The following ATP13A4 variants were observed in gnomAD, a reference collection of about 807,000 sequenced individuals.
ATP13A4 encodes probable cation-transporting ATPase 13A4.
Under a neutral mutation model 142.5 loss-of-function variants are expected in ATP13A4, and 114 were observed. The ratio of observed to expected loss-of-function variants is 0.80; its 90% CI spans 0.69 to 0.93. ATP13A4 has a LOEUF of 0.93. ATP13A4 is among the 40% of genes least tolerant of loss of function. The pLI is 0.00. For missense variants in ATP13A4, 1,392 were observed against 1,454.0 expected, an observed-to-expected ratio of 0.96 and a Z score of 0.69; for synonymous variants, 488 against 514.8, an observed-to-expected ratio of 0.95 and a Z score of 0.70.
At chr3:193,524,266 G>A (rs896431555) in intron 1 of ATP13A4, among the ~76,000 whole-genome samples, 2 of 152,184 alleles carry the variant, frequency 1.3e-5, no homozygotes, top group African/African-American at 4.8e-5. Flanking sequence ...AGAAGTGTGG[G>A]TAACCTGGGA....
chr3:193,495,818 ATAGAACGTCC>A (rs1720192268), intron 3 of ATP13A4, among the ~76,000 whole-genome samples: 1 of 152,134 alleles, frequency 6.6e-6, no homozygotes, highest in African/African-American at 2.4e-5. Context: ...GATATCATAT[ATAGAACGTCC>A]TAAAGCCTCC....
Position 193,431,709 on chromosome 3 carries a change from CAT to C in ATP13A4, c.2842+2134_2842+2135del, listed in dbSNP as rs962341052. ...GTATATATACATTTATATATACACA[CAT>C]ATATATGTTTCTATATATATTTATA... On this transcript the variant is annotated intron_variant, in intron 25 of 29. Transcript: ENST00000342695. Among the ~76,000 whole-genome samples, 58 of 150,192 alleles carry C rather than the reference CAT, an allele frequency of 3.9e-4. 1 individual carries two copies. Among genetic ancestry groups the C allele is most frequent in the Admixed American group, 2.6e-3 (39 of 14,968 alleles).
chr3:193,440,249 T>C lies in ATP13A4; in HGVS notation c.2519+309A>G, dbSNP rs1261986285. The C allele has an allele frequency of 1.5e-5, 5 of 337,000 alleles. No homozygotes were observed. The East Asian group carries it at 3.4e-4, about 23-fold the overall frequency. 20.9% of individuals were successfully genotyped at this position (337,000 alleles called of 1,614,324 possible). A position where few individuals can be genotyped will look rare whatever the true frequency, so the allele number is the denominator to read the frequency against. On this transcript the variant is annotated intron_variant, in intron 21 of 29. Coordinates refer to ENST00000342695, the MANE Select transcript of ATP13A4 (RefSeq NM_032279.4). Reference sequence around the variant, plus strand: ...AGCTCAAGCCACCTTTCCATTCTTATTTCTCCCCACACTCTTTCAGGACCC... The same window carrying C: ...AGCTCAAGCCACCTTTCCATTCTTACTTCTCCCCACACTCTTTCAGGACCC...
chr3:193,502,505 C>T lies in ATP13A4; in HGVS notation c.369G>A (p.Lys123=). The change falls in exon 3 of 30, where the codon AAG becomes AAA. Residue 123 remains lysine, a synonymous_variant. Transcript: ENST00000342695. ...TAAGTTTACTTACCTTTAGGTCTGG[C>T]TTTCTTATGGCTCTATTTATGATAT... The part of the protein sequence containing the change: ...EEYIINRAIR[K]PDLKVRCIKV... 1 of 1,614,030 alleles carries T rather than the reference C, an allele frequency of 6.2e-7. No individual in the cohort carries two copies. The highest frequency in any genetic ancestry group is 8.5e-7 in the Non-Finnish European group (1 of 1,179,954).
chr3:193,579,703 C>T (rs751319735), intron 2 of ATP13A4, among the ~76,000 whole-genome samples: 49 of 143,770 alleles, frequency 3.4e-4, no homozygotes, highest in Admixed American at 1.5e-3. Flanking sequence ...TCAGACAATC[C>T]GTGCTCTCCA....
Position 193,462,776 on chromosome 3 carries a change from G to A in ATP13A4, c.1509C>T (p.Ser503=), listed in dbSNP as rs780381875. The A allele has an allele frequency of 6.2e-7, 1 of 1,613,888 alleles. No individual in the cohort carries two copies. Among genetic ancestry groups the A allele is most frequent in the African/African-American group, 1.3e-5 (1 of 75,012 alleles). Residue 503 remains serine, a synonymous_variant, in exon 13 of 30, where the codon TCC becomes TCT. Transcript: ENST00000342695. The part of the protein sequence containing the change: ...RDGLDLWGVV[S]CDRNGFQEVH... Reference sequence around the variant, plus strand: ...AAGGTACTCACCCATTCCTATCACAGGACACGACTCCCCAGAGGTCCAAGC... The same window carrying A: ...AAGGTACTCACCCATTCCTATCACAAGACACGACTCCCCAGAGGTCCAAGC...
chr3:193,536,854 C>T (rs539061414), intron 1 of ATP13A4, among the ~76,000 whole-genome samples: 2 of 152,054 alleles, frequency 1.3e-5, no homozygotes, highest in South Asian at 4.1e-4. Context: ...ATTAAAAATA[C>T]TACTACAATC....
chr3:193,541,074 C>T (rs1191014867), intron 1 of ATP13A4, among the ~76,000 whole-genome samples: 1 of 151,666 alleles, frequency 6.6e-6, no homozygotes, highest in African/African-American at 2.4e-5. Flanking sequence ...ACGGTGAAAC[C>T]CCGTCTCTAC....
chr3:193,500,549 G>A (rs550115052), intron 3 of ATP13A4, among the ~76,000 whole-genome samples: 106 of 152,224 alleles, frequency 7.0e-4, no homozygotes, highest in African/African-American at 2.5e-3. Context: ...AAGGAGCACC[G>A]TAACCTAGAT....
At chr3:193,570,750 C>T (rs1374549292) in intron 2 of ATP13A4, among the ~76,000 whole-genome samples, 3 of 152,168 alleles carry the variant, frequency 2.0e-5, no homozygotes, top group Non-Finnish European at 4.4e-5. Context: ...AGCTTGCATC[C>T]TGTGTACCAG....
chr3:193,522,706 T>C (rs973260051), intron 1 of ATP13A4, among the ~76,000 whole-genome samples: 1 of 152,072 alleles, frequency 6.6e-6, no homozygotes, highest in Non-Finnish European at 1.5e-5. Flanking sequence ...GTTCGTAGGT[T>C]CCCCTTAAAC....
At chr3:193,514,636 C>A in intron 2 of ATP13A4, 62 bp downstream of exon 2, 1 of 1,588,350 alleles carries the variant, frequency 6.3e-7, no homozygotes. Context: ...CCCAGCCATC[C>A]CGTAACACAT....
intron 12 of ATP13A4, 120 bp from the exon 13 acceptor site, chr3:193,462,943 A>T: frequency 2.0e-6 from 2 of 984,938 alleles, no homozygotes; most frequent in Non-Finnish European, 3.1e-6. Flanking sequence ...TCAGGAGTTT[A>T]AGACCAGCCT....
intron 8 of ATP13A4, among the ~76,000 whole-genome samples, chr3:193,480,342 T>C (rs1719218723): frequency 6.6e-6 from 1 of 151,890 alleles, no homozygotes; most frequent in South Asian, 2.1e-4. Context: ...AAACAGAACA[T>C]CCACAGAGTG....
intron 25 of ATP13A4, among the ~76,000 whole-genome samples, chr3:193,431,948 T>C (rs993867624): frequency 2.6e-5 from 4 of 152,050 alleles, no homozygotes; most frequent in Admixed American, 2.0e-4. Context: ...AATGGAATGG[T>C]AGTAGAATTA....
chr3:193,531,320 A>AAGGGAAAGGAAGGTAGGAAGGAAGAG, intron 1 of ATP13A4, among the ~76,000 whole-genome samples: 1 of 114,468 alleles, frequency 8.7e-6, no homozygotes, highest in Non-Finnish European at 1.9e-5. Context: ...GGAAGGAAGG[A>AAGGGAAAGGAAGGTAGGAAGGAAGAG]AGGAAGGAAG....
In ATP13A4 at chr3:193,402,309, C is replaced by T. The variant is rs988514502; in HGVS notation, c.*343G>A. ...TACACAGTACTACTTCCCCTCAACT[C>T]ATTTTTATAAAAAGGAAAGTATTGT... is the stretch of plus-strand genomic sequence containing the variant. On this transcript the variant is annotated 3_prime_UTR_variant, in exon 30 of 30. Transcript: ENST00000342695. 1 of 279,896 alleles carries T rather than the reference C, an allele frequency of 3.6e-6. No homozygotes were observed. Among genetic ancestry groups the T allele is most frequent in the Non-Finnish European group, 6.9e-6 (1 of 145,972 alleles). The allele number at this position is 279,896 out of a possible 1,614,324, so 17.3% of individuals were successfully genotyped here. A position where few individuals can be genotyped will look rare whatever the true frequency, so the allele number is the denominator to read the frequency against.
chr3:193,551,419 G>GA (rs371295397), intron 1 of ATP13A4, among the ~76,000 whole-genome samples: 18 of 143,358 alleles, frequency 1.3e-4, no homozygotes, highest in South Asian at 6.7e-4. Flanking sequence ...GTAACAAAAA[G>GA]AAAAAAAAAA....
rs983961999 is a variant in ATP13A4 at position 193,468,264 on chromosome 3, G to A, written c.944-778C>T. On this transcript the variant is annotated intron_variant, in intron 9 of 29. Transcript: ENST00000342695. The stretch of plus-strand genomic sequence containing the variant: ...AGAGATTTAACCACTTTAATCAGGA[G>A]AGTAATATCATATTTATGTATAAGA... 2.0e-5 allele frequency among the ~76,000 whole-genome samples: 3 copies of A among 152,296 alleles called. No individual in the cohort carries two copies. The South Asian group carries it at 6.2e-4, about 32-fold the overall frequency.
Sources: allele counts gnomAD v4.1 joint callset (sites outside exome capture counted in the v4.1 genomes callset), GRCh38; gene constraint gnomAD v4.1.1; transcripts MANE v1.5; gene names NCBI Gene and HGNC (gene_info 2026-07-23, HGNC 2026-07-21).